The following BLK variants were observed in gnomAD, a reference collection of about 807,000 sequenced individuals.
BLK encodes tyrosine-protein kinase Blk.
BLK carries 64 observed loss-of-function variants against 61.8 expected under a neutral mutation model. That is an observed-to-expected ratio of 1.03 (90% CI 0.85 to 1.27). The LOEUF (loss-of-function observed/expected upper bound fraction) is 1.27, where lower values mean the gene tolerates loss of function less well. BLK is among the 50% of genes most tolerant of loss of function. The pLI is 0.00. For missense variants in BLK, 853 were observed against 660.5 expected (o/e 1.29, Z -3.19); for synonymous variants, 351 against 272.0 (o/e 1.29, Z -2.86).
chr8:11,556,892 G>GCA, intron 9 of BLK, 55 bp downstream of exon 9: 1 of 1,570,924 alleles, frequency 6.4e-7, no homozygotes. Flanking sequence ...GCCGGGCTTA[G>GCA]CAGGAGGAGG....
chr8:11,549,627 G>A (rs1466684481), intron 5 of BLK, among the ~76,000 whole-genome samples: 1 of 152,222 alleles, frequency 6.6e-6, no homozygotes, highest in Non-Finnish European at 1.5e-5. Flanking sequence ...CTGCTCACAG[G>A]GACTAGCTCT....
intron 1 of BLK, among the ~76,000 whole-genome samples, chr8:11,508,165 C>T (rs2618462): frequency 6.6e-6 from 1 of 152,226 alleles, no homozygotes; most frequent in East Asian, 1.9e-4. Context: ...AGCCAGTGCT[C>T]TGAACCCTCC....
At chr8:11,546,137 C>G in intron 3 of BLK, 34 bp downstream of exon 3, 4 of 1,611,826 alleles carry the variant, frequency 2.5e-6, no homozygotes, top group Non-Finnish European at 3.4e-6. Flanking sequence ...TGAGGCTCCA[C>G]AGCCCTCTCC....
chr8:11,562,824 G>A (rs972283795), intron 11 of BLK, among the ~76,000 whole-genome samples, 155 bp from the exon 12 acceptor site: 1 of 152,214 alleles, frequency 6.6e-6, no homozygotes, highest in Non-Finnish European at 1.5e-5. Context: ...CCTGGTGTGC[G>A]GTAGTGGCTC....
chr8:11,539,597 G>A (rs569274387), intron 1 of BLK, among the ~76,000 whole-genome samples: 5 of 152,096 alleles, frequency 3.3e-5, no homozygotes, highest in Non-Finnish European at 7.4e-5. Context: ...TATTTTAACA[G>A]AATTTAAAAG....
At chr8:11,558,862 C>T (rs1801350017) in intron 10 of BLK, 1 of 456,086 alleles carries the variant, frequency 2.2e-6, no homozygotes, top group Non-Finnish European at 4.4e-6. Flanking sequence ...GAAACGCTCC[C>T]ACCCACCGCC....
At position 11,564,217 on chromosome 8, in the gene BLK, A is replaced by C; in HGVS notation, c.*109A>C. The C allele has an allele frequency of 7.5e-7, 1 of 1,333,512 alleles. No homozygotes were observed. Among genetic ancestry groups the C allele is most frequent in the Non-Finnish European group, 1.0e-6 (1 of 965,966 alleles). The allele number at this position is 1,333,512 out of a possible 1,614,324, so 82.6% of individuals were successfully genotyped here. A position where few individuals can be genotyped will look rare whatever the true frequency, so the allele number is the denominator to read the frequency against. On this transcript the variant is annotated 3_prime_UTR_variant, in exon 13 of 13. Transcript: ENST00000259089. ...GGGGTGTCGCCTGTGCCCTTTTCTCAGACCCGGAATCCAGTGGGCAGAGGC... is the reference window on the plus strand; with the variant it reads ...GGGGTGTCGCCTGTGCCCTTTTCTCCGACCCGGAATCCAGTGGGCAGAGGC...
chr8:11,495,138 A>C (rs1036846866), intron 1 of BLK, among the ~76,000 whole-genome samples: 1 of 152,250 alleles, frequency 6.6e-6, no homozygotes, highest in Non-Finnish European at 1.5e-5. Flanking sequence ...TAAGAGATCT[A>C]TTTCACCAGG....
At chr8:11,529,909 G>C (rs138886967) in intron 1 of BLK, among the ~76,000 whole-genome samples, 1 of 152,146 alleles carries the variant, frequency 6.6e-6, no homozygotes, top group Non-Finnish European at 1.5e-5. Flanking sequence ...AGGAATCCAG[G>C]TGAATAACCC....
chr8:11,543,203 T>C (rs1167671586), intron 1 of BLK, 21 bp from the exon 2 acceptor site: 6 of 1,613,454 alleles, frequency 3.7e-6, no homozygotes, highest in Non-Finnish European at 5.1e-6. Context: ...ATGTCCTCTG[T>C]CTGCTGTGTG....
At chr8:11,531,701 G>A (rs1051233931) in intron 1 of BLK, among the ~76,000 whole-genome samples, 3 of 152,120 alleles carry the variant, frequency 2.0e-5, no homozygotes, top group Non-Finnish European at 4.4e-5. Flanking sequence ...TTCTGACTGC[G>A]TGCTAATTTC....
At chr8:11,555,583 C>T in intron 8 of BLK, 99 bp downstream of exon 8, 1 of 1,561,190 alleles carries the variant, frequency 6.4e-7, no homozygotes. Flanking sequence ...ATCCCTCCCC[C>T]AGAAGTCTTG....
chr8:11,515,775 T>C (rs1430771242), intron 1 of BLK, among the ~76,000 whole-genome samples: 1 of 152,252 alleles, frequency 6.6e-6, no homozygotes, highest in Non-Finnish European at 1.5e-5. Flanking sequence ...CCAGAACAGC[T>C]TCCTGCAGTC....
chr8:11,494,936 C>T (rs906287337), intron 1 of BLK, among the ~76,000 whole-genome samples: 3 of 152,218 alleles, frequency 2.0e-5, no homozygotes, highest in Non-Finnish European at 2.9e-5. Flanking sequence ...GCGAGTCACT[C>T]GGCCTCTTGA....
At position 11,499,176 on chromosome 8, in the gene BLK, A is replaced by G. The variant is rs147222284; in HGVS notation, c.-2+4585A>G. Among the ~76,000 whole-genome samples the G allele has an allele frequency of 3.3e-5, 5 of 152,348 alleles. No individual in the cohort carries two copies. The East Asian group carries it at 5.8e-4, about 18-fold the overall frequency. Reference sequence around the variant, plus strand: ...TTGCCTGTACCTGTTCTATGTTTAGAGACACAAATATTCACCACTGTGTTA... The same window carrying G: ...TTGCCTGTACCTGTTCTATGTTTAGGGACACAAATATTCACCACTGTGTTA... On this transcript the variant is annotated intron_variant, in intron 1 of 12. Coordinates refer to ENST00000259089, the MANE Select transcript of BLK (RefSeq NM_001715.3).
At chr8:11,561,853 CT>C (rs1801517296) in intron 11 of BLK, among the ~76,000 whole-genome samples, 1 of 150,140 alleles carries the variant, frequency 6.7e-6, no homozygotes, top group African/African-American at 2.4e-5. Context: ...GATGGAGTCT[CT>C]GTCACCCAGG....
chr8:11,516,853 T>C (rs1423243355), intron 1 of BLK, among the ~76,000 whole-genome samples: 7 of 152,202 alleles, frequency 4.6e-5, no homozygotes, highest in African/African-American at 1.7e-4. Context: ...TGCTGCCACA[T>C]TTTAGCCACT....
chr8:11,508,629 G>A (rs552625867), intron 1 of BLK, among the ~76,000 whole-genome samples: 5 of 152,350 alleles, frequency 3.3e-5, no homozygotes, highest in South Asian at 4.1e-4. Flanking sequence ...CTCTGCCTTC[G>A]GGTCTCCTGG....
chr8:11,545,860 C>T (rs186968995), intron 2 of BLK, 192 bp from the exon 3 acceptor site: 96 of 688,900 alleles, frequency 1.4e-4, no homozygotes, highest in African/African-American at 1.1e-3. Flanking sequence ...CAGCAGAGGG[C>T]GGGGGTCTGT....
Sources: gnomAD v4.1 joint callset for allele counts (sites outside exome capture counted in the v4.1 genomes callset) on GRCh38, gnomAD v4.1.1 for gene constraint, MANE v1.5 for transcripts, NCBI Gene and HGNC (gene_info 2026-07-23, HGNC 2026-07-21) for gene names.